Variants in CSMD2 observed in about 807,000 individuals in gnomAD.
CSMD2 encodes the protein CUB and Sushi multiple domains 2.
CSMD2 carries 130 observed loss-of-function variants against 398.5 expected under a neutral mutation model. That is an observed-to-expected ratio of 0.33 (90% CI 0.28 to 0.38). CSMD2 has a LOEUF of 0.38. Among genes scored for constraint, CSMD2 ranks in the 10% least tolerant of loss-of-function variants. The pLI, the probability that CSMD2 is intolerant of heterozygous loss-of-function variation, is 1.00. For missense variants in CSMD2, 3,829 were observed against 4,764.9 expected, an observed-to-expected ratio of 0.80 and a Z score of 5.78; for synonymous variants, 1,828 against 1,908.5, an observed-to-expected ratio of 0.96 and a Z score of 1.10.
At chr1:33,962,735 T>C (rs1020871788) in intron 3 of CSMD2, among the ~76,000 whole-genome samples, 1 of 152,180 alleles carries the variant, frequency 6.6e-6, no homozygotes, top group Non-Finnish European at 1.5e-5. Flanking sequence ...ATCAGCAAGA[T>C]TGACTCCCTC....
chr1:33,705,882 G>T (rs1571285963), intron 22 of CSMD2, among the ~76,000 whole-genome samples: 2 of 145,142 alleles, frequency 1.4e-5, no homozygotes, highest in Non-Finnish European at 1.5e-5. Context: ...TTACATATTT[G>T]TGGCTTCTTT....
At position 33,712,714 on chromosome 1, in the gene CSMD2, C is replaced by T. The variant is rs543713935; in HGVS notation, c.3406+1873G>A. Reference sequence around the variant, plus strand: ...GGTTAATTCCATTCAAGGAGAATTTCCCCCAGAACCATTTAGCTGAGGATG... The same window carrying T: ...GGTTAATTCCATTCAAGGAGAATTTTCCCCAGAACCATTTAGCTGAGGATG... On this transcript the variant is annotated intron_variant, in intron 21 of 70. Transcript: ENST00000373381. Among the ~76,000 whole-genome samples the T allele has an allele frequency of 3.1e-4, 47 of 152,266 alleles. No individual in the cohort carries two copies. The East Asian group carries it at 6.2e-3, about 20-fold the overall frequency.
chr1:33,721,694 C>T (rs1429194693), intron 19 of CSMD2, among the ~76,000 whole-genome samples: 1 of 152,200 alleles, frequency 6.6e-6, no homozygotes, highest in Non-Finnish European at 1.5e-5. Context: ...TGCCTTGATG[C>T]AGTAAGCTCC....
Position 33,724,576 on chromosome 1 carries a change from C to T in CSMD2, c.2824G>A (p.Gly942Arg), listed in dbSNP as rs750791374. ...TTGGGCTCACACTCCAGAGGCTCCC[C>T]GTCACTTAATGTGTAGCCCGAGTCA... The part of the protein sequence containing the change: ...SCDSGYTLSD[G>R]EPLECEPNFQ... The change falls in exon 18 of 71, where the codon GGG becomes AGG. Residue 942 changes from glycine to arginine, a missense_variant. Transcript: ENST00000373381. The T allele has an allele frequency of 1.1e-5, 18 of 1,614,130 alleles. No homozygotes were observed. Among genetic ancestry groups the T allele is most frequent in the East Asian group, 8.9e-5 (4 of 44,894 alleles).
intron 22 of CSMD2, among the ~76,000 whole-genome samples, chr1:33,704,356 C>G (rs561589934): frequency 6.6e-6 from 1 of 152,020 alleles, no homozygotes; most frequent in Non-Finnish European, 1.5e-5. Flanking sequence ...TACAATGCTG[C>G]GTTCTATTGG....
At chr1:33,814,299 A>T in intron 9 of CSMD2, 1 of 152,078 alleles carries the variant, frequency 6.6e-6, no homozygotes, top group Non-Finnish European at 1.5e-5. Flanking sequence ...CTTTGCTGTG[A>T]AAAAAATCAC....
intron 3 of CSMD2, among the ~76,000 whole-genome samples, chr1:34,013,295 C>A (rs542458914): frequency 6.6e-6 from 1 of 152,218 alleles, no homozygotes; most frequent in Non-Finnish European, 1.5e-5. Flanking sequence ...CATGGGCGAG[C>A]CTTTGTCTGC....
intron 1 of CSMD2, among the ~76,000 whole-genome samples, chr1:34,135,248 A>T (rs200872326): frequency 0.37 from 51,879 of 140,438 alleles, 9,697 homozygotes; most frequent in East Asian, 0.56. Flanking sequence ...GAAATCACAC[A>T]CACACACACA....
chr1:34,158,360 G>T (rs1479310207), intron 1 of CSMD2, among the ~76,000 whole-genome samples: 1 of 152,170 alleles, frequency 6.6e-6, no homozygotes, highest in Non-Finnish European at 1.5e-5. Flanking sequence ...AAGCTCTCAC[G>T]ACACTGCAGC....
intron 1 of CSMD2, among the ~76,000 whole-genome samples, chr1:34,099,858 G>T (rs1229049438): frequency 6.6e-6 from 1 of 152,190 alleles, no homozygotes; most frequent in Non-Finnish European, 1.5e-5. Flanking sequence ...ATAAGTATTT[G>T]CTGAATGGAT....
intron 44 of CSMD2, chr1:33,592,404 G>T (rs1192896078): frequency 1.4e-6 from 1 of 715,708 alleles, no homozygotes; most frequent in Non-Finnish European, 2.6e-6. Flanking sequence ...CAGCTCAGGT[G>T]TCCACCTCTG....
At chr1:33,603,732 T>C (rs114629950) in intron 42 of CSMD2, among the ~76,000 whole-genome samples, 1,725 of 151,830 alleles carry the variant, frequency 0.011, 33 homozygotes, top group African/African-American at 0.04. Flanking sequence ...GCCACGGGGG[T>C]GTTTGGGGGA....
At chr1:33,866,649 C>T (rs942945034) in intron 5 of CSMD2, among the ~76,000 whole-genome samples, 1 of 152,218 alleles carries the variant, frequency 6.6e-6, no homozygotes, top group African/African-American at 2.4e-5. Context: ...TCCTTTCCTC[C>T]TGGTCTCACC....
rs1252947971 is a variant in CSMD2 at position 33,518,394 on chromosome 1, TG to T, written c.*53+1070del. Among the ~76,000 whole-genome samples, 1 of 151,568 alleles carries T rather than the reference TG, an allele frequency of 6.6e-6. No individual in the cohort carries two copies. On this transcript the variant is annotated intron_variant, in intron 70 of 70. Coordinates refer to ENST00000373381, the MANE Select transcript of CSMD2 (RefSeq NM_001281956.2). This position sits in a 1 kb window ranked among gnomAD's most constrained non-coding sequence, Gnocchi z 4.3. ...GCCTGTGTGCATGTATGCGTATGTG[TG>T]TGTGTGTGTGTGCATGACCGTGTAC...
At chr1:33,860,179 C>A (rs966922624) in intron 5 of CSMD2, among the ~76,000 whole-genome samples, 4 of 152,182 alleles carry the variant, frequency 2.6e-5, no homozygotes, top group Non-Finnish European at 4.4e-5. Context: ...TCACAGGATT[C>A]AGTCTAGCAT....
intron 25 of CSMD2, among the ~76,000 whole-genome samples, chr1:33,685,192 C>T (rs1035192272): frequency 1.3e-5 from 2 of 152,162 alleles, no homozygotes; most frequent in Non-Finnish European, 2.9e-5. Context: ...TAGGTAGCCA[C>T]GAGGATGAAA....
At chr1:34,008,523 G>A (rs1327794044) in intron 3 of CSMD2, among the ~76,000 whole-genome samples, 9 of 152,152 alleles carry the variant, frequency 5.9e-5, no homozygotes, top group East Asian at 1.9e-4. Flanking sequence ...GTAGACTTGC[G>A]CCCATCTGAA....
At chr1:33,915,834 G>A (rs901883310) in intron 5 of CSMD2, among the ~76,000 whole-genome samples, 4 of 152,100 alleles carry the variant, frequency 2.6e-5, no homozygotes, top group East Asian at 1.9e-4. Flanking sequence ...CACAGATATC[G>A]CATGTCATAA....
intron 13 of CSMD2, among the ~76,000 whole-genome samples, chr1:33,765,245 G>A (rs1054262972): frequency 6.6e-6 from 1 of 152,172 alleles, no homozygotes; most frequent in Non-Finnish European, 1.5e-5. Context: ...ACAAACAGAT[G>A]AGAATAACAA....
Sources: allele counts gnomAD v4.1 joint callset (sites outside exome capture counted in the v4.1 genomes callset), GRCh38; gene constraint gnomAD v4.1.1; non-coding constraint Gnocchi (gnomAD v3.1); transcripts MANE v1.5; gene names NCBI Gene and HGNC (gene_info 2026-07-23, HGNC 2026-07-21).